The following BCAS3 variants were observed in gnomAD, a reference collection of about 807,000 sequenced individuals.
BCAS3 encodes the protein BCAS3 microtubule associated cell migration factor.
BCAS3 carries 53 observed loss-of-function variants against 116.1 expected under a neutral mutation model. That is an observed-to-expected ratio of 0.46 (90% CI 0.37 to 0.57). The LOEUF (loss-of-function observed/expected upper bound fraction) is 0.57, where lower values mean the gene tolerates loss of function less well. Among genes scored for constraint, BCAS3 ranks in the 20% least tolerant of loss-of-function variants. BCAS3 has a pLI of 0.00. For synonymous variants in BCAS3, 391 were observed against 408.2 expected (o/e 0.96, Z 0.51); for missense variants, 917 against 1,165.4 (o/e 0.79, Z 3.10).
At chr17:60,761,096 T>A (rs1309978568) in intron 6 of BCAS3, among the ~76,000 whole-genome samples, 2 of 152,184 alleles carry the variant, frequency 1.3e-5, no homozygotes, top group African/African-American at 4.8e-5. Flanking sequence ...TTTGTAAATG[T>A]CTCAGTTATA....
At chr17:61,311,859 A>G (rs1246957380) in intron 22 of BCAS3, among the ~76,000 whole-genome samples, 3 of 152,162 alleles carry the variant, frequency 2.0e-5, no homozygotes, top group Admixed American at 6.5e-5. Flanking sequence ...ACGCTACTGC[A>G]CTCCAGCCTG....
At chr17:60,988,360 T>TTTTTTTTTTTG (rs1555651709) in intron 14 of BCAS3, among the ~76,000 whole-genome samples, 15 of 134,806 alleles carry the variant, frequency 1.1e-4, no homozygotes, top group African/African-American at 4.8e-4. Flanking sequence ...TTTTTTTTTT[T>TTTTTTTTTTTG]ATGTATGTGT....
chr17:60,940,720 T>C (rs2060179832), intron 13 of BCAS3, among the ~76,000 whole-genome samples: 1 of 152,224 alleles, frequency 6.6e-6, no homozygotes, highest in Non-Finnish European at 1.5e-5. Context: ...ATGAATGATA[T>C]AATCTGAATT....
In BCAS3 at chr17:60,859,492, A is replaced by G. The variant is rs192939414; in HGVS notation, c.477-9084A>G. Among the ~76,000 whole-genome samples, 97 of 152,034 alleles carry G rather than the reference A, an allele frequency of 6.4e-4. 1 individual carries two copies. In the East Asian group the frequency reaches 0.015, roughly 23 times the overall value. On this transcript the variant is annotated intron_variant, in intron 7 of 23. Coordinates refer to ENST00000407086, the MANE Select transcript of BCAS3 (RefSeq NM_017679.5). ...TAATTCGCTTAGGATAATGGCCTCC[A>G]GCTGCATTTATGTTGCTGCAAAGGA...
Position 61,278,528 on chromosome 17 carries a change from C to G in BCAS3, c.2426-89799C>G, listed in dbSNP as rs12937921. Among the ~76,000 whole-genome samples the G allele has an allele frequency of 1.3e-5, 2 of 152,184 alleles. No individual in the cohort carries two copies. The highest frequency in any genetic ancestry group is 2.9e-5 in the Non-Finnish European group (2 of 68,046). On this transcript the variant is annotated intron_variant, in intron 22 of 23. Coordinates refer to ENST00000407086, the MANE Select transcript of BCAS3 (RefSeq NM_017679.5). The surrounding 1 kb of genome is among the most constrained non-coding windows in gnomAD (Gnocchi z 5.8). ...AAGGAATTGAATGCAGGAACAGGAA[C>G]AGATGCTTCTGCGTTCCTTGTGGCA...
chr17:60,813,071 C>A (rs28529380), intron 7 of BCAS3, among the ~76,000 whole-genome samples: 42,624 of 152,004 alleles, frequency 0.28, 11,591 homozygotes, highest in African/African-American at 0.72. Context: ...TTTATGCATG[C>A]AGAAGCTAAT....
At chr17:61,269,107 AT>A (rs1255474809) in intron 22 of BCAS3, among the ~76,000 whole-genome samples, 1 of 144,236 alleles carries the variant, frequency 6.9e-6, no homozygotes, top group Non-Finnish European at 1.5e-5. Flanking sequence ...TAGAAATTGT[AT>A]TTTCTTTTCT....
In BCAS3 at chr17:61,337,669, G is replaced by GC. The variant is rs1012607547; in HGVS notation, c.2426-30658_2426-30657insC. On this transcript the variant is annotated intron_variant, in intron 22 of 23. Coordinates refer to ENST00000407086, the MANE Select transcript of BCAS3 (RefSeq NM_017679.5). This position sits in a 1 kb window ranked among gnomAD's most constrained non-coding sequence, Gnocchi z 4.8. Reference sequence around the variant, plus strand: ...GAATGTTGGTGGGATTGTTTTTATTGTTTTTTTTTCCTTTTTCTTTTTGCG... The same window carrying GC: ...GAATGTTGGTGGGATTGTTTTTATTGCTTTTTTTTTCCTTTTTCTTTTTGCG... Among the ~76,000 whole-genome samples the GC allele has an allele frequency of 2.7e-5, 4 of 150,606 alleles. No individual in the cohort carries two copies. The highest frequency in any genetic ancestry group is 9.8e-5 in the African/African-American group (4 of 40,942).
intron 19 of BCAS3, among the ~76,000 whole-genome samples, chr17:61,071,894 C>T (rs2071464562): frequency 6.6e-6 from 1 of 151,968 alleles, no homozygotes; most frequent in African/African-American, 2.4e-5. Context: ...TAAGCTTTTC[C>T]TGTTTTGATG....
At position 61,365,740 on chromosome 17, in the gene BCAS3, CT is replaced by C. The variant is rs1246016913; in HGVS notation, c.2426-2586del. Among the ~76,000 whole-genome samples, 1 of 152,218 alleles carries C rather than the reference CT, an allele frequency of 6.6e-6. No homozygotes were observed. Among genetic ancestry groups the C allele is most frequent in the Non-Finnish European group, 1.5e-5 (1 of 68,034 alleles). ...CTGAACACAGTAATGCAAACATTAA[CT>C]GAGCTCCTTTCTAGAGACAGACCTC... On this transcript the variant is annotated intron_variant, in intron 22 of 23. Transcript: ENST00000407086. The surrounding 1 kb of genome is among the most constrained non-coding windows in gnomAD (Gnocchi z 4.6).
At chr17:61,270,081 A>G (rs1180495552) in intron 22 of BCAS3, among the ~76,000 whole-genome samples, 4 of 148,252 alleles carry the variant, frequency 2.7e-5, no homozygotes, top group Non-Finnish European at 5.9e-5. Flanking sequence ...CTGGGATTAC[A>G]GGAGTGAGCC....
intron 13 of BCAS3, among the ~76,000 whole-genome samples, chr17:60,932,758 A>AC (rs1377541123): frequency 6.6e-6 from 1 of 151,346 alleles, no homozygotes; most frequent in African/African-American, 2.4e-5. Flanking sequence ...AAAAAAAAAA[A>AC]AAAAAAAAAG....
chr17:61,349,646 C>T lies in BCAS3; in HGVS notation c.2426-18681C>T, dbSNP rs546053361. 1.3e-5 allele frequency among the ~76,000 whole-genome samples: 2 copies of T among 152,284 alleles called. No individual in the cohort carries two copies. Among genetic ancestry groups the T allele is most frequent in the African/African-American group, 2.4e-5 (1 of 41,558 alleles). ...TTTAAAGCTAGCATATGTTTCAAAG[C>T]TGACTATTAAAGAAGTGTGGAAGAG... On this transcript the variant is annotated intron_variant, in intron 22 of 23. Coordinates refer to ENST00000407086, the MANE Select transcript of BCAS3 (RefSeq NM_017679.5). The surrounding 1 kb of genome is among the most constrained non-coding windows in gnomAD (Gnocchi z 4.7).
At position 61,098,894 on chromosome 17, in the gene BCAS3, G is replaced by C. The variant is rs1366495471; in HGVS notation, c.2425+14330G>C. On this transcript the variant is annotated intron_variant, in intron 22 of 23. Coordinates refer to ENST00000407086, the MANE Select transcript of BCAS3 (RefSeq NM_017679.5). This position sits in a 1 kb window ranked among gnomAD's most constrained non-coding sequence, Gnocchi z 4.2. Reference sequence around the variant, plus strand: ...TAATACCAGCACTTTGGGAGGCCGAGGCAGGTGATCACCAGGTCAGGAGAT... The same window carrying C: ...TAATACCAGCACTTTGGGAGGCCGACGCAGGTGATCACCAGGTCAGGAGAT... Among the ~76,000 whole-genome samples, 1 of 152,148 alleles carries C rather than the reference G, an allele frequency of 6.6e-6. No individual in the cohort carries two copies. The highest frequency in any genetic ancestry group is 1.9e-4 in the East Asian group (1 of 5,188).
intron 22 of BCAS3, among the ~76,000 whole-genome samples, chr17:61,264,231 C>T (rs117670432): frequency 0.012 from 1,790 of 152,038 alleles, 14 homozygotes; most frequent in Non-Finnish European, 0.019. Context: ...CTAGATCTTG[C>T]AGTTCTACTT....
In BCAS3 at chr17:61,380,391, C is replaced by A; in HGVS notation, c.2594-11586C>A. On this transcript the variant is annotated intron_variant, in intron 23 of 23. Transcript: ENST00000407086. The surrounding 1 kb of genome is among the most constrained non-coding windows in gnomAD (Gnocchi z 4.2). The stretch of plus-strand genomic sequence containing the variant: ...ACAGACCATGAACACCCCCGCAAAG[C>A]TCTCAGTGGTCAAACCAGATTTGGG... The A allele has an allele frequency of 1.1e-6, 1 of 924,930 alleles. No homozygotes were observed. Among genetic ancestry groups the A allele is most frequent in the Non-Finnish European group, 1.7e-6 (1 of 592,356 alleles). The allele number at this position is 924,930 out of a possible 1,614,324, so 57.3% of individuals were successfully genotyped here. A position where few individuals can be genotyped will look rare whatever the true frequency, so the allele number is the denominator to read the frequency against.
chr17:61,045,837 C>A, intron 19 of BCAS3, among the ~76,000 whole-genome samples: 1 of 6,614 alleles, frequency 1.5e-4, no homozygotes, highest in Non-Finnish European at 2.6e-4. Context: ...CTCTCTCTCT[C>A]TCTCTCTCTC....
intron 14 of BCAS3, among the ~76,000 whole-genome samples, chr17:60,957,085 C>T (rs534912377): frequency 1.2e-4 from 19 of 152,240 alleles, no homozygotes; most frequent in African/African-American, 4.1e-4. Flanking sequence ...GAAAAATAGT[C>T]CTTGTTTTCA....
rs940086925 is a variant in BCAS3 at position 61,333,724 on chromosome 17, G to A, written c.2426-34603G>A. The stretch of plus-strand genomic sequence containing the variant: ...CAACCTCTGCCTCCCAGGTTCAAGC[G>A]ATTCTCCTGCCTCAGCCTCCCGAGT... On this transcript the variant is annotated intron_variant, in intron 22 of 23. Transcript: ENST00000407086. The surrounding 1 kb of genome is among the most constrained non-coding windows in gnomAD (Gnocchi z 4.8). Among the ~76,000 whole-genome samples the A allele has an allele frequency of 4.6e-5, 7 of 151,450 alleles. No individual in the cohort carries two copies. Among genetic ancestry groups the A allele is most frequent in the Non-Finnish European group, 7.4e-5 (5 of 67,912 alleles).
Sources: allele counts gnomAD v4.1 joint callset (sites outside exome capture counted in the v4.1 genomes callset), GRCh38; gene constraint gnomAD v4.1.1; non-coding constraint Gnocchi (gnomAD v3.1); transcripts MANE v1.5; gene names NCBI Gene and HGNC (gene_info 2026-07-23, HGNC 2026-07-21).